The following GNAQ variants were observed in gnomAD, a reference collection of about 807,000 sequenced individuals.
GNAQ encodes the protein guanine nucleotide-binding protein G(q) subunit alpha.
Under a neutral mutation model 43.9 loss-of-function variants are expected in GNAQ, and 8 were observed. That is an observed-to-expected ratio of 0.18 (90% CI 0.11 to 0.33). The LOEUF (loss-of-function observed/expected upper bound fraction) is 0.33. Ranked by LOEUF, GNAQ falls within the 10% of genes least tolerant of loss-of-function variation. The pLI is 1.00. For synonymous variants in GNAQ, 155 were observed against 170.7 expected (o/e 0.91, Z 0.71); for missense variants, 158 against 450.8 (o/e 0.35, Z 5.88).
chr9:77,860,687 T>A (rs1456225616), intron 2 of GNAQ, among the ~76,000 whole-genome samples: 1 of 152,150 alleles, frequency 6.6e-6, no homozygotes, highest in Non-Finnish European at 1.5e-5. Context: ...CGCCCGCAGC[T>A]CACTGGTCCA....
At chr9:77,728,374 T>G in intron 6 of GNAQ, 140 bp downstream of exon 6, 1 of 682,798 alleles carries the variant, frequency 1.5e-6, no homozygotes. Flanking sequence ...AAACAAGAAT[T>G]CCTACTGTAT....
chr9:77,717,691 C>G lies in GNAQ; in HGVS notation c.*3632G>C, dbSNP rs1290436753. 1 of 231,532 alleles carries G rather than the reference C, an allele frequency of 4.3e-6. No homozygotes were observed. Among genetic ancestry groups the G allele is most frequent in the Non-Finnish European group, 8.5e-6 (1 of 117,460 alleles). 14.3% of individuals were successfully genotyped at this position (231,532 alleles called of 1,614,324 possible). A position where few individuals can be genotyped will look rare whatever the true frequency, so the allele number is the denominator to read the frequency against. On this transcript the variant is annotated 3_prime_UTR_variant, in exon 7 of 7. Transcript: ENST00000286548. ...TACAAAAAAGTAAATTGCCCTTTAG[C>G]TGAATTACCTTTTTAAAATAGGCCT... is the stretch of plus-strand genomic sequence containing the variant.
At chr9:77,806,952 A>G (rs1826839350) in intron 3 of GNAQ, among the ~76,000 whole-genome samples, 1 of 152,204 alleles carries the variant, frequency 6.6e-6, no homozygotes, top group South Asian at 2.1e-4. Flanking sequence ...TGAGCAATAA[A>G]TAGGTCATAC....
chr9:77,826,912 C>T (rs1827207040), intron 2 of GNAQ, among the ~76,000 whole-genome samples: 1 of 152,148 alleles, frequency 6.6e-6, no homozygotes, highest in Non-Finnish European at 1.5e-5. Context: ...TAAAACAACG[C>T]TTTTGGGTGT....
chr9:77,781,828 A>T (rs1184310460), intron 5 of GNAQ, among the ~76,000 whole-genome samples: 2 of 152,164 alleles, frequency 1.3e-5, no homozygotes, highest in African/African-American at 4.8e-5. Flanking sequence ...TTCATGATAA[A>T]AACTTGCATG....
chr9:77,785,727 AT>A (rs1375015020), intron 5 of GNAQ, among the ~76,000 whole-genome samples: 1 of 152,216 alleles, frequency 6.6e-6, no homozygotes, highest in Non-Finnish European at 1.5e-5. Flanking sequence ...CAGACAATAA[AT>A]TAAAATTTAA....
At chr9:77,961,334 G>A (rs1006722028) in intron 1 of GNAQ, among the ~76,000 whole-genome samples, 4 of 152,254 alleles carry the variant, frequency 2.6e-5, no homozygotes, top group African/African-American at 9.6e-5. Context: ...AGAACCCAGT[G>A]CTCTCACTGG....
intron 1 of GNAQ, among the ~76,000 whole-genome samples, chr9:78,007,454 C>T (rs186359527): frequency 1.3e-5 from 2 of 151,546 alleles, no homozygotes; most frequent in Admixed American, 6.6e-5. Context: ...AAAAAAAAAT[C>T]GAACAGCCTC....
At chr9:77,793,391 G>A (rs929838833) in intron 5 of GNAQ, among the ~76,000 whole-genome samples, 4 of 152,092 alleles carry the variant, frequency 2.6e-5, no homozygotes, top group African/African-American at 9.7e-5. Context: ...ATAGACATTG[G>A]TTCACGGAAA....
At chr9:77,950,408 C>T (rs1245992851) in intron 1 of GNAQ, among the ~76,000 whole-genome samples, 1 of 152,206 alleles carries the variant, frequency 6.6e-6, no homozygotes, top group Non-Finnish European at 1.5e-5. Flanking sequence ...TTGTCCCATC[C>T]TTGAACACAC....
At chr9:77,755,960 C>T (rs1471639704) in intron 5 of GNAQ, among the ~76,000 whole-genome samples, 1 of 152,168 alleles carries the variant, frequency 6.6e-6, no homozygotes, top group African/African-American at 2.4e-5. Flanking sequence ...ACGGGAAAGG[C>T]AGACCCTTCC....
chr9:77,799,753 A>G (rs531541138), intron 3 of GNAQ, among the ~76,000 whole-genome samples: 3 of 152,368 alleles, frequency 2.0e-5, no homozygotes, highest in Admixed American at 2.0e-4. Flanking sequence ...AAAAAGTATC[A>G]GCCCAGAAAT....
intron 2 of GNAQ, among the ~76,000 whole-genome samples, chr9:77,857,644 G>A (rs1016518838): frequency 3.9e-5 from 5 of 127,500 alleles, no homozygotes; most frequent in African/African-American, 5.7e-5. Context: ...GGACGGAAAG[G>A]GGGGAAGGAG....
At chr9:77,728,758 T>A (rs1276047776) in intron 5 of GNAQ, 91 bp from the exon 6 acceptor site, 1 of 879,414 alleles carries the variant, frequency 1.1e-6, no homozygotes, top group Non-Finnish European at 1.8e-6. Flanking sequence ...GTCCAACCCA[T>A]CTTTTGTATA....
At position 77,721,533 on chromosome 9, in the gene GNAQ, A is replaced by C. The variant is rs751391950; in HGVS notation, c.890-20T>G. ...GGGGTCCTTTCGGCCAAGAGACAAG[A>C]GGGACACTTTGTTACCTAATCTGCT... On this transcript the variant is annotated intron_variant, in intron 6 of 6. Transcript: ENST00000286548. The C allele has an allele frequency of 4.0e-6, 6 of 1,501,224 alleles. No individual in the cohort carries two copies. The highest frequency in any genetic ancestry group is 5.5e-6 in the Non-Finnish European group (6 of 1,084,558). The allele number at this position is 1,501,224 out of a possible 1,614,324, so 93.0% of individuals were successfully genotyped here. A position where few individuals can be genotyped will look rare whatever the true frequency, so the allele number is the denominator to read the frequency against.
chr9:77,889,877 C>T (rs1270743876), intron 2 of GNAQ, among the ~76,000 whole-genome samples: 1 of 152,132 alleles, frequency 6.6e-6, no homozygotes, highest in African/African-American at 2.4e-5. Flanking sequence ...GACATTTCAT[C>T]CCAAATGAAG....
intron 2 of GNAQ, among the ~76,000 whole-genome samples, chr9:77,906,663 GTAAT>G (rs1381357519): frequency 6.6e-6 from 1 of 151,978 alleles, no homozygotes; most frequent in Non-Finnish European, 1.5e-5. Context: ...GACTTTTTTT[GTAAT>G]TAATTTATGG....
At chr9:77,995,161 G>A (rs146756127) in intron 1 of GNAQ, among the ~76,000 whole-genome samples, 110 of 152,276 alleles carry the variant, frequency 7.2e-4, no homozygotes, top group Middle Eastern at 3.4e-3. Context: ...GAATGTATGA[G>A]ATAGCACTAT....
intron 4 of GNAQ, among the ~76,000 whole-genome samples, chr9:77,796,809 A>C (rs773234349): frequency 3.9e-5 from 6 of 152,206 alleles, no homozygotes; most frequent in African/African-American, 7.2e-5. Flanking sequence ...AACTTCTGAC[A>C]CTACTTAATT....
Sources: allele counts gnomAD v4.1 joint callset (sites outside exome capture counted in the v4.1 genomes callset), GRCh38; gene constraint gnomAD v4.1.1; transcripts MANE v1.5; gene names NCBI Gene and HGNC (gene_info 2026-07-23, HGNC 2026-07-21).